ATXN2L: variants seen among roughly 807,000 people sequenced by gnomAD.
The protein encoded by ATXN2L is ataxin-2-like protein.
Under a neutral mutation model 120.7 loss-of-function variants are expected in ATXN2L, and 24 were observed. The observed-to-expected ratio is 0.20, with a 90% CI of 0.14 to 0.28. ATXN2L has a LOEUF of 0.28. Ranked by LOEUF, ATXN2L falls within the 10% of genes least tolerant of loss-of-function variation. The pLI, the probability that ATXN2L is intolerant of heterozygous loss-of-function variation, is 1.00. For missense variants in ATXN2L, 1,312 were observed against 1,432.3 expected, an observed-to-expected ratio of 0.92 and a Z score of 1.36; for synonymous variants, 653 against 568.1, an observed-to-expected ratio of 1.15 and a Z score of -2.13.
At chr16:28,830,884 C>T (rs929006562) in intron 9 of ATXN2L, 78 bp from the exon 10 acceptor site, 104 of 1,496,710 alleles carry the variant, frequency 6.9e-5, no homozygotes, top group Non-Finnish European at 7.8e-5. Context: ...GTTGGAATGA[C>T]GCTGCATCGG....
chr16:28,836,764 C>G lies in ATXN2L; in HGVS notation c.*499C>G, dbSNP rs188659783. The G allele has an allele frequency of 1.2e-6, 2 of 1,614,074 alleles. No homozygotes were observed. Among genetic ancestry groups the G allele is most frequent in the Non-Finnish European group, 1.7e-6 (2 of 1,179,992 alleles). ...CCCTCCCAGCAGCTCCCCTTCCACCCCCCGGGGAACTGAAGATTGTCCTGG... is the reference window on the plus strand; with the variant it reads ...CCCTCCCAGCAGCTCCCCTTCCACCGCCCGGGGAACTGAAGATTGTCCTGG... On this transcript the variant is annotated 3_prime_UTR_variant, in exon 22 of 22. Transcript: ENST00000336783.
intron 5 of ATXN2L, 142 bp from the exon 6 acceptor site, chr16:28,826,720 G>A (rs1370546271): frequency 2.0e-6 from 2 of 998,582 alleles, no homozygotes; most frequent in African/African-American, 1.6e-5. Flanking sequence ...CCACCCCCTG[G>A]CCATCCTAAC....
At chr16:28,823,703 G>T in intron 1 of ATXN2L, 145 bp downstream of exon 1, 1 of 850,518 alleles carries the variant, frequency 1.2e-6, no homozygotes, top group Non-Finnish European at 1.6e-6. Flanking sequence ...GCCCCCTCAG[G>T]TCCGAACAGG....
chr16:28,830,115 G>C, intron 8 of ATXN2L, 57 bp downstream of exon 8: 1 of 1,521,658 alleles, frequency 6.6e-7, no homozygotes, highest in Non-Finnish European at 8.9e-7. Context: ...CCTGGGGCCT[G>C]GGCCCAGAGT....
At chr16:28,824,537 C>G (rs1044883216) in intron 1 of ATXN2L, 20 of 1,287,466 alleles carry the variant, frequency 1.6e-5, no homozygotes, top group Admixed American at 2.3e-5. Context: ...TGGTGATCCC[C>G]GCAGAGTGGG....
chr16:28,826,646 A>G, intron 5 of ATXN2L: 1 of 640,294 alleles, frequency 1.6e-6, no homozygotes, highest in Non-Finnish European at 2.5e-6. Context: ...CTTGGTTTTT[A>G]ACTTCTTTTT....
rs1055799354 is a variant in ATXN2L, at chr16:28,826,694, T to C, written c.617-168T>C. 2.2e-5 allele frequency: 17 copies of C among 780,502 alleles called. No individual in the cohort carries two copies. In the Admixed American group the frequency reaches 3.3e-4, roughly 15 times the overall value. The allele number at this position is 780,502 out of a possible 1,614,324, so 48.3% of individuals were successfully genotyped here. ...TAGTACTGATAGACTTTTTATACTC[T>C]TCTTCTCTTGCCTCCCCACCCCCTG... On this transcript the variant is annotated intron_variant, in intron 5 of 21. Transcript: ENST00000336783.
rs1390358942 is a variant in ATXN2L at position 28,829,852 on chromosome 16, T to C, written c.834-6T>C. 1.2e-6 allele frequency: 2 copies of C among 1,614,178 alleles called. No individual in the cohort carries two copies. Among genetic ancestry groups the C allele is most frequent in the African/African-American group, 1.3e-5 (1 of 75,048 alleles). ...GGATGGTGGTGGTCTGTGGGTGCTG[T>C]CTCAGGGTGCCCTTAGAAAAGGACA... On this transcript the variant is annotated splice_polypyrimidine_tract_variant and splice_region_variant and intron_variant, in intron 7 of 21. Transcript: ENST00000336783.
chr16:28,826,793 G>A (rs2052251001), intron 5 of ATXN2L, 69 bp from the exon 6 acceptor site: 1 of 1,478,802 alleles, frequency 6.8e-7, no homozygotes, highest in South Asian at 1.4e-5. Flanking sequence ...GGAGAGTGGG[G>A]TTGGGGGATA....
At position 28,836,080 on chromosome 16, in the gene ATXN2L, G is replaced by A; in HGVS notation, c.3043G>A (p.Ala1015Thr). 1 of 1,612,302 alleles carries A rather than the reference G, an allele frequency of 6.2e-7. No individual in the cohort carries two copies. The highest frequency in any genetic ancestry group is 1.3e-5 in the African/African-American group (1 of 74,966). Residue 1015 changes from alanine (A) to threonine (T), a missense_variant, in exon 22 of 22, where the codon GCT (alanine) becomes ACT (threonine). Coordinates refer to ENST00000336783, the MANE Select transcript of ATXN2L (RefSeq NM_007245.4). ...CCAGAGTGGGGTGCCTGCACTCTCA[G>A]CTTCCACACCCTCACCCTACCCCTA... The part of the protein sequence containing the change: ...VPQSGVPALS[A>T]STPSPYPYIG...
At position 28,834,981 on chromosome 16, in the gene ATXN2L, TG is replaced by T. The variant is rs1167664732; in HGVS notation, c.2434-76del. The stretch of plus-strand genomic sequence containing the variant: ...GATTGTGAGGAGGCCCAAGCGGTGC[TG>T]TGCACGCAGTGACTGGCAGGAGGAC... On this transcript the variant is annotated intron_variant, in intron 18 of 21. Coordinates refer to ENST00000336783, the MANE Select transcript of ATXN2L (RefSeq NM_007245.4). 21 of 1,546,190 alleles carry T rather than the reference TG, an allele frequency of 1.4e-5. No homozygotes were observed. In the African/African-American group the frequency reaches 2.6e-4, roughly 19 times the overall value.
intron 6 of ATXN2L, among the ~76,000 whole-genome samples, chr16:28,828,634 T>C (rs1328523866): frequency 6.6e-6 from 1 of 152,204 alleles, no homozygotes; most frequent in Non-Finnish European, 1.5e-5. Context: ...AATTATTAGT[T>C]GATTACTTTT....
At position 28,834,377 on chromosome 16, in the gene ATXN2L, C is replaced by T. The variant is rs749484779; in HGVS notation, c.2207C>T (p.Ser736Leu). 1.9e-6 allele frequency: 3 copies of T among 1,614,108 alleles called. No individual in the cohort carries two copies. The highest frequency in any genetic ancestry group is 2.5e-6 in the Non-Finnish European group (3 of 1,179,936). ...PQMYPYPVSNSVPGQQGKYRG... is the reference protein window; with the variant it reads ...PQMYPYPVSNLVPGQQGKYRG... ...ATGTATCCATATCCTGTATCCAATT[C>T]AGTGCCTGGGCAGCAGGGCAAGTAC... is the stretch of plus-strand genomic sequence containing the variant. Residue 736 changes from serine to leucine, a missense_variant, in exon 17 of 22, where the codon TCA becomes TTA. By Grantham distance (145) the Ser-to-Leu change is moderately radical. Transcript: ENST00000336783.
At chr16:28,827,820 G>A (rs2052731363) in intron 6 of ATXN2L, among the ~76,000 whole-genome samples, 1 of 152,238 alleles carries the variant, frequency 6.6e-6, no homozygotes, top group South Asian at 2.1e-4. Context: ...GGAGGCTGAG[G>A]TAGGAGAATC....
chr16:28,832,163 T>A (rs1187586262), intron 10 of ATXN2L, 42 bp from the exon 11 acceptor site: 3 of 1,608,568 alleles, frequency 1.9e-6, no homozygotes, highest in Non-Finnish European at 1.7e-6. Context: ...TCACTGCTGT[T>A]GACCAGCAGT....
At chr16:28,828,484 G>T (rs1434206717) in intron 6 of ATXN2L, among the ~76,000 whole-genome samples, 1 of 151,858 alleles carries the variant, frequency 6.6e-6, no homozygotes, top group African/African-American at 2.4e-5. Context: ...TACTCGTGAG[G>T]TTGAGGCAGG....
intron 13 of ATXN2L, 78 bp downstream of exon 13, chr16:28,832,965 A>G (rs985459783): frequency 2.9e-5 from 46 of 1,589,274 alleles, no homozygotes; most frequent in Non-Finnish European, 3.6e-5. Flanking sequence ...AGGACTAGAT[A>G]GGAGTCAAAG....
chr16:28,835,508 T>C, intron 20 of ATXN2L, 41 bp from the exon 21 acceptor site: 1 of 1,610,830 alleles, frequency 6.2e-7, no homozygotes, highest in Non-Finnish European at 8.5e-7. Flanking sequence ...GGCCAGCGAG[T>C]TGCTGGCCTG....
rs1596949292 is a variant in ATXN2L, at chr16:28,832,819, C to T, written c.1591C>T (p.Pro531Ser). Reference protein sequence around the residue: ...QELARIAGKVPGLQNEQKRFQ... With the variant: ...QELARIAGKVSGLQNEQKRFQ... ...TCTTTTTGACTGTTTTCTCATAGTC[C>T]CTGGTCTTCAGAATGAACAGAAACG... is the stretch of plus-strand genomic sequence containing the variant. The change falls in exon 13 of 22, where the codon CCT (proline) becomes TCT (serine). Residue 531 changes from proline to serine, a missense_variant and splice_region_variant. Physicochemically the swap from Pro to Ser is moderately conservative, Grantham distance 74. Coordinates refer to ENST00000336783, the MANE Select transcript of ATXN2L (RefSeq NM_007245.4). 6.2e-7 allele frequency: 1 copy of T among 1,613,920 alleles called. No homozygotes were observed.
Sources: gnomAD v4.1 joint callset for allele counts (sites outside exome capture counted in the v4.1 genomes callset) on GRCh38, gnomAD v4.1.1 for gene constraint, MANE v1.5 for transcripts, NCBI Gene and HGNC (gene_info 2026-07-23, HGNC 2026-07-21) for gene names.